Variants in AKAP6 observed in about 807,000 individuals in gnomAD.
AKAP6 encodes the protein A-kinase anchoring protein 6.
Under a neutral mutation model 188.5 loss-of-function variants are expected in AKAP6, and 58 were observed. The ratio of observed to expected loss-of-function variants is 0.31; its 90% CI spans 0.25 to 0.38. AKAP6 has a LOEUF of 0.38. Among genes scored for constraint, AKAP6 ranks in the 10% least tolerant of loss-of-function variants. AKAP6 has a pLI of 1.00. For missense variants in AKAP6, 2,710 were observed against 2,740.0 expected (o/e 0.99, Z 0.24); for synonymous variants, 989 against 998.6 (o/e 0.99, Z 0.18).
intron 11 of AKAP6, among the ~76,000 whole-genome samples, chr14:32,742,932 T>TA (rs2031741205): frequency 6.6e-6 from 1 of 152,140 alleles, no homozygotes; most frequent in Non-Finnish European, 1.5e-5. Flanking sequence ...CTTGATTTTA[T>TA]GTCTAGAAGA....
chr14:32,606,324 AT>A (rs1344055382), intron 7 of AKAP6, among the ~76,000 whole-genome samples: 2 of 152,134 alleles, frequency 1.3e-5, no homozygotes, highest in African/African-American at 2.4e-5. Flanking sequence ...CAAAAGCTAC[AT>A]TTTTTTGACC....
chr14:32,360,319 G>T (rs1362180876), intron 1 of AKAP6, among the ~76,000 whole-genome samples: 3 of 152,006 alleles, frequency 2.0e-5, no homozygotes, highest in African/African-American at 7.3e-5. Flanking sequence ...GTAGAGATGG[G>T]GTTTCACTAT....
intron 12 of AKAP6, among the ~76,000 whole-genome samples, chr14:32,803,272 C>T (rs12886198): frequency 0.23 from 33,369 of 146,190 alleles, 4,471 homozygotes; most frequent in Non-Finnish European, 0.3. Flanking sequence ...GGGGAAACCC[C>T]GTCTCTATAA....
intron 12 of AKAP6, among the ~76,000 whole-genome samples, chr14:32,786,303 T>TTTTTTTTTTTTTTTG (rs2033410141): frequency 1.4e-5 from 1 of 73,764 alleles, no homozygotes; most frequent in Non-Finnish European, 2.7e-5. Flanking sequence ...TTTATCTTTT[T>TTTTTTTTTTTTTTTG]TTTTTTTTTT....
At chr14:32,816,219 G>T (rs892186124) in intron 12 of AKAP6, among the ~76,000 whole-genome samples, 1 of 151,994 alleles carries the variant, frequency 6.6e-6, no homozygotes, top group Non-Finnish European at 1.5e-5. Flanking sequence ...TTAGAGACAG[G>T]GTATTGCTGT....
chr14:32,566,934 T>C (rs1884217712), intron 4 of AKAP6, among the ~76,000 whole-genome samples: 1 of 152,118 alleles, frequency 6.6e-6, no homozygotes, highest in Non-Finnish European at 1.5e-5. Context: ...CTTAATTTTT[T>C]TTTTCTTAGA....
intron 7 of AKAP6, among the ~76,000 whole-genome samples, chr14:32,670,910 T>C (rs1409802208): frequency 6.6e-6 from 1 of 152,178 alleles, no homozygotes; most frequent in Non-Finnish European, 1.5e-5. Context: ...TCATTTTAGA[T>C]GTTCAAACTC....
At chr14:32,591,280 C>T (rs1170540936) in intron 5 of AKAP6, among the ~76,000 whole-genome samples, 2 of 152,078 alleles carry the variant, frequency 1.3e-5, no homozygotes, top group Non-Finnish European at 2.9e-5. Flanking sequence ...CTAATGTGGC[C>T]ATGCTGGGAA....
At chr14:32,447,424 A>G (rs891243830) in intron 2 of AKAP6, among the ~76,000 whole-genome samples, 4 of 152,210 alleles carry the variant, frequency 2.6e-5, no homozygotes, top group Non-Finnish European at 5.9e-5. Context: ...AAAAATAACC[A>G]TAACTTCCCA....
At chr14:32,636,696 C>G (rs911523274) in intron 7 of AKAP6, among the ~76,000 whole-genome samples, 1 of 152,040 alleles carries the variant, frequency 6.6e-6, no homozygotes, top group East Asian at 1.9e-4. Context: ...GGTGAAAATG[C>G]CTTCAGAAAG....
chr14:32,579,358 G>A (rs1375197865), intron 5 of AKAP6, among the ~76,000 whole-genome samples: 3 of 152,040 alleles, frequency 2.0e-5, no homozygotes, highest in Non-Finnish European at 4.4e-5. Context: ...TTTCTTAGAT[G>A]AGTTTTCTCT....
intron 4 of AKAP6, among the ~76,000 whole-genome samples, chr14:32,573,633 C>A (rs1461787846): frequency 1.3e-5 from 2 of 152,134 alleles, no homozygotes; most frequent in Non-Finnish European, 2.9e-5. Flanking sequence ...TGCTTTTTCA[C>A]ACATAGAAGG....
At chr14:32,453,316 C>T (rs967784369) in intron 2 of AKAP6, among the ~76,000 whole-genome samples, 3 of 152,140 alleles carry the variant, frequency 2.0e-5, no homozygotes, top group Non-Finnish European at 4.4e-5. Context: ...AGACCTCAGC[C>T]CTCTGACCCT....
intron 7 of AKAP6, among the ~76,000 whole-genome samples, chr14:32,623,210 A>G (rs1295468439): frequency 6.6e-6 from 1 of 152,174 alleles, no homozygotes; most frequent in African/African-American, 2.4e-5. Context: ...AAATCTTGAA[A>G]TATGTTTTCA....
Position 32,834,774 on chromosome 14 carries a change from T to A in AKAP6, c.*4969T>A, listed in dbSNP as rs1189555110. On this transcript the variant is annotated 3_prime_UTR_variant, in exon 14 of 14. Coordinates refer to ENST00000280979, the MANE Select transcript of AKAP6 (RefSeq NM_004274.5). ...CACTCTTTAATGAAGATTGATTGAA[T>A]AACTGACATTCCTGATATGTTTTAA... 1 of 152,164 alleles carries A rather than the reference T, an allele frequency of 6.6e-6. No homozygotes were observed. Among genetic ancestry groups the A allele is most frequent in the Non-Finnish European group, 1.5e-5 (1 of 68,036 alleles). The allele number at this position is 152,164 out of a possible 1,614,324, so 9.4% of individuals were successfully genotyped here. A position where few individuals can be genotyped will look rare whatever the true frequency, so the allele number is the denominator to read the frequency against.
intron 12 of AKAP6, among the ~76,000 whole-genome samples, chr14:32,815,369 TAGTG>T (rs1216913560): frequency 2.0e-5 from 3 of 152,222 alleles, no homozygotes. Flanking sequence ...ATCTGATAGA[TAGTG>T]AGCAGGATTT....
At chr14:32,603,059 G>A (rs1885996163) in intron 7 of AKAP6, among the ~76,000 whole-genome samples, 1 of 152,172 alleles carries the variant, frequency 6.6e-6, no homozygotes, top group Non-Finnish European at 1.5e-5. Flanking sequence ...AAGAGGTTGG[G>A]CCAGGAGAAG....
intron 1 of AKAP6, among the ~76,000 whole-genome samples, chr14:32,350,425 A>G (rs1887227494): frequency 6.6e-6 from 1 of 152,212 alleles, no homozygotes; most frequent in African/African-American, 2.4e-5. Flanking sequence ...CCTCCAGACT[A>G]TCAAGGTCAT....
intron 11 of AKAP6, among the ~76,000 whole-genome samples, chr14:32,743,487 C>T (rs1291104740): frequency 6.6e-6 from 1 of 151,978 alleles, no homozygotes; most frequent in Non-Finnish European, 1.5e-5. Context: ...GTGTTTTTCT[C>T]TGATGATATG....
Sources: allele counts gnomAD v4.1 joint callset (sites outside exome capture counted in the v4.1 genomes callset), GRCh38; gene constraint gnomAD v4.1.1; transcripts MANE v1.5; gene names NCBI Gene and HGNC (gene_info 2026-07-23, HGNC 2026-07-21).